OCA2: variants seen among roughly 807,000 people sequenced by gnomAD.
OCA2 encodes the protein OCA2 melanosomal transmembrane protein.
OCA2 carries 77 observed loss-of-function variants against 100.2 expected under a neutral mutation model. That is an observed-to-expected ratio of 0.77 (90% CI 0.64 to 0.93). The LOEUF (loss-of-function observed/expected upper bound fraction) is 0.93, where lower values mean the gene tolerates loss of function less well. OCA2 is among the 40% of genes least tolerant of loss of function. The probability of loss-of-function intolerance (pLI) is 0.00; values close to 1 mark genes in which losing one functional copy is unlikely to be tolerated. For synonymous variants in OCA2, 432 were observed against 439.2 expected (o/e 0.98, Z 0.21); for missense variants, 1,062 against 1,089.1 (o/e 0.98, Z 0.35).
Position 27,951,769 on chromosome 15 carries a change from C to T in OCA2, c.1951+15G>A, listed in dbSNP as rs776734962. The stretch of plus-strand genomic sequence containing the variant: ...ATGTGACAAAGCCTATGAACCAAAG[C>T]TAAATTAGACTCACCAAGATCAAGA... On this transcript the variant is annotated intron_variant, in intron 18 of 23. Transcript: ENST00000354638. The T allele has an allele frequency of 1.4e-5, 21 of 1,542,818 alleles. No individual in the cohort carries two copies. In the Admixed American group the frequency reaches 3.5e-4, roughly 26 times the overall value.
chr15:28,087,772 A>C (rs2044803095), intron 1 of OCA2, among the ~76,000 whole-genome samples: 2 of 152,094 alleles, frequency 1.3e-5, no homozygotes, highest in East Asian at 1.9e-4. Context: ...AATAAAAAGT[A>C]AGTCCAGGCT....
the OCA2 span, among the ~76,000 whole-genome samples, chr15:27,742,558 G>A: frequency 7.2e-5 from 11 of 152,272 alleles, no homozygotes; most frequent in East Asian, 1.4e-3. Flanking sequence ...TATAGGCAAT[G>A]GAGGATGCAG....
the OCA2 span, among the ~76,000 whole-genome samples, chr15:27,730,626 G>A: frequency 6.6e-6 from 1 of 150,836 alleles, no homozygotes; most frequent in African/African-American, 2.4e-5. Context: ...AGCTATCTAG[G>A]GTCTCCGTCA....
At chr15:27,875,821 C>G (rs182948866) in intron 19 of OCA2, among the ~76,000 whole-genome samples, 1 of 151,602 alleles carries the variant, frequency 6.6e-6, no homozygotes, top group African/African-American at 2.4e-5. Flanking sequence ...TCCAATTATG[C>G]GCTAGAATAT....
chr15:27,969,145 G>C (rs2040683056), intron 14 of OCA2, among the ~76,000 whole-genome samples: 1 of 151,908 alleles, frequency 6.6e-6, no homozygotes, highest in African/African-American at 2.4e-5. Flanking sequence ...GTAATTCTTG[G>C]TCCCTCTAGA....
intron 9 of OCA2, among the ~76,000 whole-genome samples, chr15:28,000,765 C>CA (rs543283023): frequency 7.8e-4 from 118 of 151,942 alleles, no homozygotes; most frequent in South Asian, 1.0e-3. Flanking sequence ...GAATCAAGAG[C>CA]AAAAAAATCA....
At chr15:27,978,367 T>C (rs2140929278) in intron 14 of OCA2, among the ~76,000 whole-genome samples, 1 of 152,322 alleles carries the variant, frequency 6.6e-6, no homozygotes, top group East Asian at 1.9e-4. Context: ...CTACTTGTTC[T>C]TTCAATTATT....
intron 2 of OCA2, among the ~76,000 whole-genome samples, chr15:28,057,931 A>T (rs1389059190): frequency 6.6e-6 from 1 of 152,112 alleles, no homozygotes; most frequent in Non-Finnish European, 1.5e-5. Flanking sequence ...CCCTGTGACT[A>T]CTGGATCGTA....
chr15:27,987,868 C>A (rs938371014), intron 11 of OCA2, among the ~76,000 whole-genome samples: 1 of 152,098 alleles, frequency 6.6e-6, no homozygotes, highest in Non-Finnish European at 1.5e-5. Context: ...ACTCAGTAAA[C>A]AGGAGTCCCA....
chr15:27,743,780 C>G, the OCA2 span, among the ~76,000 whole-genome samples: 1 of 152,194 alleles, frequency 6.6e-6, no homozygotes, highest in East Asian at 1.9e-4. Flanking sequence ...TCAGCTTGTG[C>G]AGTTGGAGAA....
chr15:27,926,183 G>A lies in OCA2; in HGVS notation c.2023C>T (p.His675Tyr). 1.2e-6 allele frequency: 2 copies of A among 1,614,066 alleles called. No individual in the cohort carries two copies. The highest frequency in any genetic ancestry group is 2.7e-5 in the African/African-American group (2 of 75,056). ...ADIHDFEIIL[H>Y]RVEWATLLFF... ...AGAAGGGTTGCCCATTCCACTCTGTGTAGAATTATCTCAAAATCATGAATA... is the reference window on the plus strand; with the variant it reads ...AGAAGGGTTGCCCATTCCACTCTGTATAGAATTATCTCAAAATCATGAATA... The change falls in exon 19 of 24, where the codon CAC becomes TAC. Residue 675 changes from histidine to tyrosine, a missense_variant. Coordinates refer to ENST00000354638, the MANE Select transcript of OCA2 (RefSeq NM_000275.3).
chr15:27,936,990 G>A (rs368461527), intron 18 of OCA2, among the ~76,000 whole-genome samples: 1 of 152,090 alleles, frequency 6.6e-6, no homozygotes, highest in Non-Finnish European at 1.5e-5. Context: ...CAGTGGCGGG[G>A]GAGGGGACGC....
At chr15:28,098,592 T>C (rs1292706067) in intron 1 of OCA2, among the ~76,000 whole-genome samples, 1 of 152,202 alleles carries the variant, frequency 6.6e-6, no homozygotes, top group African/African-American at 2.4e-5. Flanking sequence ...CTGGGGAGCT[T>C]CACCGCCGGG....
chr15:28,073,617 G>A (rs2044333219), intron 2 of OCA2, among the ~76,000 whole-genome samples: 1 of 151,766 alleles, frequency 6.6e-6, no homozygotes, highest in South Asian at 2.1e-4. Flanking sequence ...AAGGGGGAGT[G>A]GGTTAAAAAA....
intron 14 of OCA2, among the ~76,000 whole-genome samples, chr15:27,977,308 T>C (rs2041002954): frequency 6.6e-6 from 1 of 152,204 alleles, no homozygotes; most frequent in Non-Finnish European, 1.5e-5. Context: ...TTCCATAGGA[T>C]AAAGCTGAGG....
intron 23 of OCA2, among the ~76,000 whole-genome samples, chr15:27,796,404 C>T (rs2033336027): frequency 6.6e-6 from 1 of 152,276 alleles, no homozygotes; most frequent in Admixed American, 6.5e-5. Flanking sequence ...CAATGGTCAA[C>T]AGGATGCCCA....
chr15:28,084,829 A>C (rs1448339917), intron 1 of OCA2, among the ~76,000 whole-genome samples: 1 of 152,156 alleles, frequency 6.6e-6, no homozygotes, highest in Non-Finnish European at 1.5e-5. Context: ...CATCCTCACC[A>C]TGTGGGCTCC....
At chr15:27,971,139 T>C (rs2040773970) in intron 14 of OCA2, among the ~76,000 whole-genome samples, 1 of 148,018 alleles carries the variant, frequency 6.8e-6, no homozygotes, top group Non-Finnish European at 1.5e-5. Flanking sequence ...ATGCAAGACA[T>C]GATGGGAAAA....
At chr15:28,073,325 A>C (rs2044323817) in intron 2 of OCA2, among the ~76,000 whole-genome samples, 1 of 152,164 alleles carries the variant, frequency 6.6e-6, no homozygotes, top group Non-Finnish European at 1.5e-5. Flanking sequence ...GAGGCGAGGT[A>C]ATCGCTTGAA....
Sources: allele counts gnomAD v4.1 joint callset (sites outside exome capture counted in the v4.1 genomes callset), GRCh38; gene constraint gnomAD v4.1.1; transcripts MANE v1.5; gene names NCBI Gene and HGNC (gene_info 2026-07-23, HGNC 2026-07-21).